Variants in LDB2 observed in about 807,000 individuals in gnomAD.
The protein encoded by LDB2 is LIM domain-binding protein 2.
A neutral mutation model predicts 44.3 loss-of-function variants in LDB2; 12 were observed. The ratio of observed to expected loss-of-function variants is 0.27; its 90% CI spans 0.17 to 0.44. The LOEUF (loss-of-function observed/expected upper bound fraction) is 0.44. LDB2 is among the 20% of genes least tolerant of loss of function. The pLI, the probability that LDB2 is intolerant of heterozygous loss-of-function variation, is 1.00. For missense variants in LDB2, 344 were observed against 473.5 expected (o/e 0.73, Z 2.54); for synonymous variants, 164 against 174.8 (o/e 0.94, Z 0.49).
intron 2 of LDB2, among the ~76,000 whole-genome samples, chr4:16,727,985 G>A (rs1759886043): frequency 6.6e-6 from 1 of 152,140 alleles, no homozygotes; most frequent in Admixed American, 6.5e-5. Context: ...TTTAAAAATG[G>A]AGCCAAGGTT....
intron 2 of LDB2, among the ~76,000 whole-genome samples, chr4:16,692,366 T>A (rs1012690627): frequency 6.6e-6 from 1 of 152,060 alleles, no homozygotes; most frequent in African/African-American, 2.4e-5. Context: ...CTCGGCAAAA[T>A]ACACAAACAA....
chr4:16,869,373 G>C (rs565229015), intron 1 of LDB2, among the ~76,000 whole-genome samples: 4 of 152,018 alleles, frequency 2.6e-5, no homozygotes, highest in African/African-American at 9.7e-5. Context: ...GTCAGACATG[G>C]AGGTGATAAT....
At chr4:16,550,091 T>TTTAA (rs1450372274) in intron 5 of LDB2, among the ~76,000 whole-genome samples, 10 of 152,334 alleles carry the variant, frequency 6.6e-5, no homozygotes, top group Middle Eastern at 6.8e-3. Flanking sequence ...GAATCAAAGA[T>TTTAA]CTTACCTAAG....
At chr4:16,734,998 C>A (rs1761586559) in intron 2 of LDB2, among the ~76,000 whole-genome samples, 1 of 152,146 alleles carries the variant, frequency 6.6e-6, no homozygotes, top group Non-Finnish European at 1.5e-5. Flanking sequence ...CATGAGCAAC[C>A]AGACCTGGCC....
At chr4:16,739,939 C>T (rs182815144) in intron 2 of LDB2, among the ~76,000 whole-genome samples, 469 of 150,972 alleles carry the variant, frequency 3.1e-3, no homozygotes, top group African/African-American at 0.011. Flanking sequence ...AAATACATTG[C>T]CTTTCACACT....
At chr4:16,635,103 G>A (rs1463545684) in intron 2 of LDB2, among the ~76,000 whole-genome samples, 1 of 152,080 alleles carries the variant, frequency 6.6e-6, no homozygotes, top group African/African-American at 2.4e-5. Context: ...AGAACACATG[G>A]ACACAGGGAG....
At chr4:16,834,710 C>T (rs965895822) in intron 1 of LDB2, among the ~76,000 whole-genome samples, 2 of 151,990 alleles carry the variant, frequency 1.3e-5, no homozygotes, top group South Asian at 4.2e-4. Flanking sequence ...GCGTGTAATC[C>T]CCTCTACTGG....
chr4:16,811,098 C>T (rs370151137), intron 1 of LDB2, among the ~76,000 whole-genome samples: 19 of 152,136 alleles, frequency 1.2e-4, no homozygotes, highest in Non-Finnish European at 2.8e-4. Context: ...AATCTAACGC[C>T]GGTATCAGTC....
chr4:16,872,015 T>C (rs1394871986), intron 1 of LDB2, among the ~76,000 whole-genome samples: 2 of 152,226 alleles, frequency 1.3e-5, no homozygotes, highest in African/African-American at 4.8e-5. Flanking sequence ...TTTGGGAGAA[T>C]TAATTGGCTA....
intron 5 of LDB2, among the ~76,000 whole-genome samples, chr4:16,545,959 C>T (rs1301442664): frequency 6.6e-6 from 1 of 152,104 alleles, no homozygotes; most frequent in East Asian, 1.9e-4. Flanking sequence ...TTTCCAAGAG[C>T]CAAATGAAAT....
intron 1 of LDB2, among the ~76,000 whole-genome samples, chr4:16,848,456 G>A (rs1461348857): frequency 2.0e-5 from 3 of 152,302 alleles, no homozygotes; most frequent in Non-Finnish European, 2.9e-5. Flanking sequence ...TGGGTTTCCA[G>A]AGAAACATGA....
chr4:16,770,477 T>C (rs1399580306), intron 1 of LDB2, among the ~76,000 whole-genome samples: 1 of 151,968 alleles, frequency 6.6e-6, no homozygotes, highest in Non-Finnish European at 1.5e-5. Context: ...ATGCACAGAG[T>C]TTCAAAATGT....
chr4:16,847,248 C>T (rs1435593819), intron 1 of LDB2, among the ~76,000 whole-genome samples: 1 of 151,582 alleles, frequency 6.6e-6, no homozygotes, highest in South Asian at 2.1e-4. Context: ...ATTTTTGACT[C>T]TCAAATCAGC....
chr4:16,872,441 T>C (rs1408183806), intron 1 of LDB2, among the ~76,000 whole-genome samples: 1 of 152,232 alleles, frequency 6.6e-6, no homozygotes, highest in Non-Finnish European at 1.5e-5. Flanking sequence ...TACTTAATGC[T>C]ATGGCATATA....
chr4:16,647,071 T>C (rs1442999273), intron 2 of LDB2, among the ~76,000 whole-genome samples: 1 of 152,210 alleles, frequency 6.6e-6, no homozygotes, highest in Non-Finnish European at 1.5e-5. Context: ...TATTCATCAA[T>C]TGAGGAACAG....
intron 2 of LDB2, among the ~76,000 whole-genome samples, chr4:16,600,190 G>A (rs1578125602): frequency 2.0e-5 from 3 of 152,136 alleles, no homozygotes. Context: ...AGCCACACCA[G>A]TTCCAAATCT....
At chr4:16,608,932 T>G (rs1394346432) in intron 2 of LDB2, among the ~76,000 whole-genome samples, 1 of 152,070 alleles carries the variant, frequency 6.6e-6, no homozygotes, top group Non-Finnish European at 1.5e-5. Flanking sequence ...TATTAAAAAC[T>G]AATAAGAAGG....
rs1032424480 is a variant in LDB2, at chr4:16,582,417, C to A, written c.615+3505G>T. On this transcript the variant is annotated intron_variant, in intron 5 of 7. Coordinates refer to ENST00000304523, the MANE Select transcript of LDB2 (RefSeq NM_001290.5). This position sits in a 1 kb window ranked among gnomAD's most constrained non-coding sequence, Gnocchi z 4.8. The stretch of plus-strand genomic sequence containing the variant: ...CCTTCATAAAATGCCAGGCGGACAA[C>A]AGGACTTCTGCTTCCCAACAAACAA... 6.6e-6 allele frequency among the ~76,000 whole-genome samples: 1 copy of A among 152,150 alleles called. No homozygotes were observed. The highest frequency in any genetic ancestry group is 2.4e-5 in the African/African-American group (1 of 41,434).
At chr4:16,756,058 C>G (rs796309619) in intron 2 of LDB2, among the ~76,000 whole-genome samples, 3 of 152,312 alleles carry the variant, frequency 2.0e-5, no homozygotes, top group African/African-American at 4.8e-5. Context: ...TACTGAGGAG[C>G]TTTCTGCTTT....
Sources: allele counts gnomAD v4.1 joint callset (sites outside exome capture counted in the v4.1 genomes callset), GRCh38; gene constraint gnomAD v4.1.1; non-coding constraint Gnocchi (gnomAD v3.1); transcripts MANE v1.5; gene names NCBI Gene and HGNC (gene_info 2026-07-23, HGNC 2026-07-21).